FNDC3B: variants seen among roughly 807,000 people sequenced by gnomAD.
FNDC3B encodes fibronectin type III domain-containing protein 3B.
In FNDC3B, 12 loss-of-function variants were observed where a neutral mutation model predicts 151.5. The ratio of observed to expected loss-of-function variants is 0.08; its 90% CI spans 0.05 to 0.13. The LOEUF is 0.13. FNDC3B is among the 10% of genes least tolerant of loss of function. The pLI, the probability that FNDC3B is intolerant of heterozygous loss-of-function variation, is 1.00. For synonymous variants in FNDC3B, 528 were observed against 549.0 expected (o/e 0.96, Z 0.54); for missense variants, 1,214 against 1,505.3 (o/e 0.81, Z 3.20).
chr3:172,264,808 A>T (rs965369709), intron 6 of FNDC3B, among the ~76,000 whole-genome samples: 1 of 152,214 alleles, frequency 6.6e-6, no homozygotes, highest in Non-Finnish European at 1.5e-5. Flanking sequence ...TCTTATTTTA[A>T]GACTATGTTA....
intron 2 of FNDC3B, among the ~76,000 whole-genome samples, chr3:172,124,338 G>T (rs144897234): frequency 6.6e-6 from 1 of 152,190 alleles, no homozygotes; most frequent in African/African-American, 2.4e-5. Flanking sequence ...TGATCTTCCC[G>T]CCTTGGCCTC....
chr3:172,295,547 C>CT, intron 8 of FNDC3B, 33 bp downstream of exon 8: 1 of 1,590,678 alleles, frequency 6.3e-7, no homozygotes, highest in African/African-American at 1.4e-5. Context: ...TTCTTTGCTG[C>CT]TAAACTGTAA....
rs1362903922 is a variant in FNDC3B at position 172,251,464 on chromosome 3, G to A, written c.713G>A (p.Ser238Asn). Reference protein sequence around the residue: ...GHSGGSGGGGSGSGPGIKKTE... With the variant: ...GHSGGSGGGGNGSGPGIKKTE... ...AGTGGTGGAAGTGGCGGAGGCGGCA[G>A]CGGTAGTGGTCCCGGAATTAAGAAA... The change falls in exon 6 of 26, where the codon AGC becomes AAC. Residue 238 changes from serine to asparagine, a missense_variant. Transcript: ENST00000415807. The A allele has an allele frequency of 6.2e-7, 1 of 1,614,152 alleles. No individual in the cohort carries two copies. Among genetic ancestry groups the A allele is most frequent in the African/African-American group, 1.3e-5 (1 of 75,054 alleles).
Position 172,347,294 on chromosome 3 carries a change from A to G in FNDC3B, c.2447A>G (p.His816Arg). 6.2e-7 allele frequency: 1 copy of G among 1,614,106 alleles called. No homozygotes were observed. Among genetic ancestry groups the G allele is most frequent in the Non-Finnish European group, 8.5e-7 (1 of 1,179,988 alleles). Residue 816 changes from histidine to arginine, a missense_variant, in exon 21 of 26, where the codon CAT becomes CGT. Coordinates refer to ENST00000415807, the MANE Select transcript of FNDC3B (RefSeq NM_022763.4). ...EDEESLELIYHGTDTRFEIRD... is the reference protein window; with the variant it reads ...EDEESLELIYRGTDTRFEIRD... The stretch of plus-strand genomic sequence containing the variant: ...GAAGAATCCTTAGAACTCATTTATC[A>G]TGGGACAGACACCCGTTTTGAAATA...
chr3:172,232,548 A>G (rs1726944089), intron 4 of FNDC3B, among the ~76,000 whole-genome samples: 2 of 152,172 alleles, frequency 1.3e-5, no homozygotes, highest in South Asian at 4.1e-4. Flanking sequence ...TTTCTCTGAT[A>G]TAGTAGGTTG....
At chr3:172,066,576 G>A (rs991272527) in intron 1 of FNDC3B, among the ~76,000 whole-genome samples, 5 of 152,228 alleles carry the variant, frequency 3.3e-5, no homozygotes, top group African/African-American at 4.8e-5. Context: ...GGACTTGTCT[G>A]GGTTGAGCCA....
chr3:172,305,971 C>T (rs1041753945), intron 9 of FNDC3B, among the ~76,000 whole-genome samples: 1 of 152,164 alleles, frequency 6.6e-6, no homozygotes, highest in Non-Finnish European at 1.5e-5. Flanking sequence ...CAATGATAAG[C>T]ATTATTTGTT....
chr3:172,280,144 G>A (rs1729634777), intron 6 of FNDC3B, among the ~76,000 whole-genome samples: 1 of 152,184 alleles, frequency 6.6e-6, no homozygotes, highest in Non-Finnish European at 1.5e-5. Flanking sequence ...TGAACTCCTG[G>A]GCTCAAGCTT....
At chr3:172,156,905 A>G (rs958127060) in intron 3 of FNDC3B, among the ~76,000 whole-genome samples, 1 of 152,160 alleles carries the variant, frequency 6.6e-6, no homozygotes, top group Admixed American at 6.5e-5. Flanking sequence ...CTTGTCCTCA[A>G]TATTCCGGTC....
intron 23 of FNDC3B, among the ~76,000 whole-genome samples, chr3:172,368,480 C>T (rs528832066): frequency 1.3e-5 from 2 of 152,210 alleles, no homozygotes; most frequent in African/African-American, 4.8e-5. Context: ...GACTAGTCCC[C>T]GATCCATATA....
chr3:172,280,414 T>C (rs1374581183), intron 6 of FNDC3B, among the ~76,000 whole-genome samples: 1 of 152,242 alleles, frequency 6.6e-6, no homozygotes, highest in East Asian at 1.9e-4. Flanking sequence ...AGGCTTCTTA[T>C]CTCCAAAATG....
intron 6 of FNDC3B, among the ~76,000 whole-genome samples, chr3:172,268,812 G>T (rs1729045697): frequency 6.6e-6 from 1 of 152,082 alleles, no homozygotes; most frequent in African/African-American, 2.4e-5. Context: ...ATGATCCTTT[G>T]GTTTTAGCTA....
intron 13 of FNDC3B, among the ~76,000 whole-genome samples, chr3:172,331,604 C>T (rs1022992028): frequency 1.3e-5 from 2 of 152,096 alleles, no homozygotes; most frequent in African/African-American, 2.4e-5. Flanking sequence ...TCATGATCTG[C>T]CCTCCTCAGC....
chr3:172,262,003 T>C (rs1728669678), intron 6 of FNDC3B, among the ~76,000 whole-genome samples: 1 of 152,112 alleles, frequency 6.6e-6, no homozygotes, highest in African/African-American at 2.4e-5. Flanking sequence ...TTGTGATGGT[T>C]CAGGAAGACT....
intron 24 of FNDC3B, among the ~76,000 whole-genome samples, chr3:172,379,280 G>A (rs1735311226): frequency 6.6e-6 from 1 of 152,242 alleles, no homozygotes; most frequent in Non-Finnish European, 1.5e-5. Context: ...GGGACAGACA[G>A]CACAAGTGGC....
At chr3:172,312,928 G>A (rs1238151810) in intron 11 of FNDC3B, among the ~76,000 whole-genome samples, 1 of 152,174 alleles carries the variant, frequency 6.6e-6, no homozygotes, top group Non-Finnish European at 1.5e-5. Flanking sequence ...GGCCACGTCT[G>A]ATGACTTTTT....
intron 3 of FNDC3B, among the ~76,000 whole-genome samples, chr3:172,216,639 C>CTGCA (rs1725990380): frequency 6.6e-6 from 1 of 152,184 alleles, no homozygotes; most frequent in South Asian, 2.1e-4. Flanking sequence ...TGCCATTGCA[C>CTGCA]TGCAGCCTGG....
intron 1 of FNDC3B, among the ~76,000 whole-genome samples, chr3:172,111,469 A>G (rs546744394): frequency 2.0e-5 from 3 of 152,212 alleles, no homozygotes; most frequent in Non-Finnish European, 2.9e-5. Flanking sequence ...TAGTTGGGAT[A>G]AGACTTCATT....
In FNDC3B at chr3:172,297,725, T is replaced by C. The variant is rs539359221; in HGVS notation, c.1002-1003T>C. Among the ~76,000 whole-genome samples, 345 of 152,046 alleles carry C rather than the reference T, an allele frequency of 2.3e-3. 2 individuals carry two copies. The highest frequency in any genetic ancestry group is 6.5e-3 in the African/African-American group (268 of 41,460). On this transcript the variant is annotated intron_variant, in intron 8 of 25. Transcript: ENST00000415807. ...TCCTGACCTCGTGATCCGCCCTCCT[T>C]GGCCTCCCAAAGTGCTCGGATAACA...
Sources: allele counts gnomAD v4.1 joint callset (sites outside exome capture counted in the v4.1 genomes callset), GRCh38; gene constraint gnomAD v4.1.1; transcripts MANE v1.5; gene names NCBI Gene and HGNC (gene_info 2026-07-23, HGNC 2026-07-21).